FOXP4: variants seen among roughly 807,000 people sequenced by gnomAD.
The protein encoded by FOXP4 is forkhead box P4, also known as forkhead box protein P4.
In FOXP4, 25 loss-of-function variants were observed where a neutral mutation model predicts 82.6. That is an observed-to-expected ratio of 0.30 (90% CI 0.22 to 0.42). The LOEUF (loss-of-function observed/expected upper bound fraction) is 0.42, where lower values mean the gene tolerates loss of function less well. FOXP4 is among the 10% of genes least tolerant of loss of function. FOXP4 has a pLI of 1.00. For synonymous variants in FOXP4, 415 were observed against 388.2 expected (o/e 1.07, Z -0.81); for missense variants, 785 against 900.9 (o/e 0.87, Z 1.65).
chr6:41,555,665 A>T (rs1764234862), intron 1 of FOXP4, among the ~76,000 whole-genome samples: 1 of 152,158 alleles, frequency 6.6e-6, no homozygotes, highest in Non-Finnish European at 1.5e-5. Context: ...GTCACTATTT[A>T]ATTAGCCGTC....
chr6:41,568,850 A>G (rs985302609), intron 2 of FOXP4, among the ~76,000 whole-genome samples: 3 of 152,240 alleles, frequency 2.0e-5, no homozygotes, highest in African/African-American at 7.2e-5. Flanking sequence ...CAGGCCTGTT[A>G]CAGGACTTTA....
At chr6:41,555,956 A>G (rs1279258701) in intron 1 of FOXP4, among the ~76,000 whole-genome samples, 1 of 151,530 alleles carries the variant, frequency 6.6e-6, no homozygotes, top group Non-Finnish European at 1.5e-5. Flanking sequence ...TTCCCCCTGT[A>G]TTGTTAATTC....
In FOXP4 at chr6:41,591,997, G is replaced by A. The variant is rs548661638; in HGVS notation, c.1536+675G>A. Among the ~76,000 whole-genome samples, 1 of 152,090 alleles carries A rather than the reference G, an allele frequency of 6.6e-6. No individual in the cohort carries two copies. Among genetic ancestry groups the A allele is most frequent in the Non-Finnish European group, 1.5e-5 (1 of 67,992 alleles). ...TTTTCTATAGCCAAAAGGGGGGTGT[G>A]TGTGTGTGTCTGTCTGTCTGTCTCA... On this transcript the variant is annotated intron_variant, in intron 13 of 16. Transcript: ENST00000307972. This position sits in a 1 kb window ranked among gnomAD's most constrained non-coding sequence, Gnocchi z 4.2.
At chr6:41,572,211 G>A (rs1217617457) in intron 2 of FOXP4, among the ~76,000 whole-genome samples, 2 of 152,192 alleles carry the variant, frequency 1.3e-5, no homozygotes, top group Admixed American at 1.3e-4. Flanking sequence ...CTCGCACCAT[G>A]TGTTCCCTCC....
At chr6:41,595,588 T>A (rs960091174) in intron 14 of FOXP4, among the ~76,000 whole-genome samples, 13 of 152,222 alleles carry the variant, frequency 8.5e-5, no homozygotes, top group Non-Finnish European at 1.2e-4. Flanking sequence ...ATTATTTTTT[T>A]AATTTTATTA....
At chr6:41,578,927 G>A (rs1765649341) in intron 3 of FOXP4, among the ~76,000 whole-genome samples, 3 of 152,108 alleles carry the variant, frequency 2.0e-5, no homozygotes, top group African/African-American at 7.2e-5. Flanking sequence ...TTGAAAGGAA[G>A]TTTATCTAAG....
intron 1 of FOXP4, among the ~76,000 whole-genome samples, chr6:41,550,425 T>C (rs1763933916): frequency 6.6e-6 from 1 of 152,208 alleles, no homozygotes; most frequent in Non-Finnish European, 1.5e-5. Flanking sequence ...TGGTTGAATA[T>C]GGAAATACTG....
In FOXP4 at chr6:41,595,696, G is replaced by A. The variant is rs1490174049; in HGVS notation, c.1658+705G>A. 4.6e-5 allele frequency among the ~76,000 whole-genome samples: 7 copies of A among 152,034 alleles called. No individual in the cohort carries two copies. The South Asian group carries it at 1.0e-3, about 23-fold the overall frequency. Reference sequence around the variant, plus strand: ...CAGCTCACTGGAACCTCCACTTCCCGGGTTCAAGCAATTCTCCTGCCCCAG... The same window carrying A: ...CAGCTCACTGGAACCTCCACTTCCCAGGTTCAAGCAATTCTCCTGCCCCAG... On this transcript the variant is annotated intron_variant, in intron 14 of 16. Coordinates refer to ENST00000307972, the MANE Select transcript of FOXP4 (RefSeq NM_001012426.2).
rs773106276 is a variant in FOXP4 at position 41,581,250 on chromosome 6, C to CCCA, written c.300+3170_300+3172dup. Among the ~76,000 whole-genome samples, 106 of 152,214 alleles carry CCCA rather than the reference C, an allele frequency of 7.0e-4. 1 individual carries two copies. The highest frequency in any genetic ancestry group is 2.1e-4 in the Non-Finnish European group (14 of 68,036). On this transcript the variant is annotated intron_variant, in intron 3 of 16. Transcript: ENST00000307972. ...CACATTGCCCCCCACTCACAGGGACCCCATACTCAAGAGACAATTTGGGTT... is the reference window on the plus strand; with the variant it reads ...CACATTGCCCCCCACTCACAGGGACCCCACCATACTCAAGAGACAATTTGGGTT...
chr6:41,587,035 CCAG>C lies in FOXP4; in HGVS notation c.545_547del (p.Gln182del). On this transcript the variant is annotated inframe_deletion, in exon 6 of 17. Coordinates refer to ENST00000307972, the MANE Select transcript of FOXP4 (RefSeq NM_001012426.2). ...CACTGGGGAACAAGCAGCTGGCCTT[CCAG>C]CAGCAGCTCCTGCAAATGCAACAGT... 1 of 1,598,970 alleles carries C rather than the reference CCAG, an allele frequency of 6.3e-7. No individual in the cohort carries two copies. Among genetic ancestry groups the C allele is most frequent in the Non-Finnish European group, 8.6e-7 (1 of 1,169,238 alleles).
Position 41,591,339 on chromosome 6 carries a change from C to A in FOXP4, c.1536+17C>A, listed in dbSNP as rs563984265. The A allele has an allele frequency of 3.8e-6, 6 of 1,572,398 alleles. No individual in the cohort carries two copies. The South Asian group carries it at 5.8e-5, about 15-fold the overall frequency. ...ACCTGGAAGGTGAAGCAGGCCCCTT[C>A]CACCTTCTGGGCCCCAGTCACCCTT... On this transcript the variant is annotated intron_variant, in intron 13 of 16. Transcript: ENST00000307972. The surrounding 1 kb of genome is among the most constrained non-coding windows in gnomAD (Gnocchi z 4.2).
At chr6:41,578,130 C>A in intron 3 of FOXP4, 49 bp downstream of exon 3, 2 of 1,520,230 alleles carry the variant, frequency 1.3e-6, no homozygotes, top group Non-Finnish European at 1.8e-6. Flanking sequence ...GGAGTGTGGG[C>A]CTGGCACAGA....
chr6:41,549,465 G>A (rs974477415), intron 1 of FOXP4, among the ~76,000 whole-genome samples: 3 of 152,126 alleles, frequency 2.0e-5, no homozygotes, highest in Non-Finnish European at 4.4e-5. Context: ...CGTTCTGGCT[G>A]TAGGCAGGTA....
intron 1 of FOXP4, among the ~76,000 whole-genome samples, chr6:41,549,029 G>A (rs904434295): frequency 5.9e-5 from 9 of 152,108 alleles, no homozygotes. Context: ...GGGGCAAGGT[G>A]GCAAGGGGAA....
At chr6:41,566,891 G>A (rs529005611) in intron 2 of FOXP4, among the ~76,000 whole-genome samples, 3 of 152,270 alleles carry the variant, frequency 2.0e-5, no homozygotes, top group Admixed American at 6.5e-5. Flanking sequence ...TGCCTCATGC[G>A]TGCACACGTG....
In FOXP4 at chr6:41,591,987, A is replaced by AG. The variant is rs1203104771; in HGVS notation, c.1536+671dup. Among the ~76,000 whole-genome samples, 6 of 147,620 alleles carry AG rather than the reference A, an allele frequency of 4.1e-5. No individual in the cohort carries two copies. Among genetic ancestry groups the AG allele is most frequent in the African/African-American group, 1.5e-4 (6 of 39,764 alleles). ...GGCCATTTATTTTTCTATAGCCAAA[A>AG]GGGGGGTGTGTGTGTGTGTCTGTCT... is the stretch of plus-strand genomic sequence containing the variant. On this transcript the variant is annotated intron_variant, in intron 13 of 16. Coordinates refer to ENST00000307972, the MANE Select transcript of FOXP4 (RefSeq NM_001012426.2). The surrounding 1 kb of genome is among the most constrained non-coding windows in gnomAD (Gnocchi z 4.2).
chr6:41,590,293 C>T lies in FOXP4; in HGVS notation c.1380C>T (p.Phe460=). Residue 460 remains phenylalanine, a synonymous_variant, in exon 12 of 17, where the codon TTC becomes TTT. Coordinates refer to ENST00000307972, the MANE Select transcript of FOXP4 (RefSeq NM_001012426.2). ...CAGAGCTGGCCCAGAATCATGAGTT[C>T]TACAAGAACGCCGACGTCCGGCCCC... is the stretch of plus-strand genomic sequence containing the variant. ...ISSELAQNHE[F]YKNADVRPPF... is the part of the protein sequence containing the mutation. 1 of 1,614,050 alleles carries T rather than the reference C, an allele frequency of 6.2e-7. No individual in the cohort carries two copies. The highest frequency in any genetic ancestry group is 8.5e-7 in the Non-Finnish European group (1 of 1,179,992).
rs1294662990 is a variant in FOXP4, at chr6:41,584,896, G to A, written c.423+5G>A. ...CAAGCCCTCATGCTCCAGCAGGTGA[G>A]TCTGGCCCCAGGGCAGCTGGTCCCT... is the stretch of plus-strand genomic sequence containing the variant. On this transcript the variant is annotated splice_donor_5th_base_variant and intron_variant, in intron 4 of 16. Transcript: ENST00000307972. 6.8e-6 allele frequency: 11 copies of A among 1,607,964 alleles called. No homozygotes were observed. In the South Asian group the frequency reaches 1.2e-4, roughly 18 times the overall value.
intron 1 of FOXP4, among the ~76,000 whole-genome samples, chr6:41,562,890 A>G (rs1257203876): frequency 6.6e-6 from 1 of 152,162 alleles, no homozygotes; most frequent in Non-Finnish European, 1.5e-5. Context: ...GGGTGGTTTC[A>G]GGGGAGGGTG....
Sources: gnomAD v4.1 joint callset for allele counts (sites outside exome capture counted in the v4.1 genomes callset) on GRCh38, gnomAD v4.1.1 for gene constraint, Gnocchi (gnomAD v3.1) non-coding constraint, MANE v1.5 for transcripts, NCBI Gene and HGNC (gene_info 2026-07-23, HGNC 2026-07-21) for gene names.